The following SDCCAG8 variants were observed in gnomAD, a reference collection of about 807,000 sequenced individuals.
SDCCAG8 encodes the protein serologically defined colon cancer antigen 8.
In SDCCAG8, 74 loss-of-function variants were observed where a neutral mutation model predicts 101.8. That is an observed-to-expected ratio of 0.73 (90% CI 0.60 to 0.88). The LOEUF (loss-of-function observed/expected upper bound fraction) is 0.88. SDCCAG8 is among the 40% of genes least tolerant of loss of function. The pLI is 0.00. For synonymous variants in SDCCAG8, 281 were observed against 292.9 expected, an observed-to-expected ratio of 0.96 and a Z score of 0.41; for missense variants, 787 against 822.6, an observed-to-expected ratio of 0.96 and a Z score of 0.53.
At chr1:243,385,080 C>T (rs1177077782) in intron 13 of SDCCAG8, among the ~76,000 whole-genome samples, 1 of 151,914 alleles carries the variant, frequency 6.6e-6, no homozygotes, top group Non-Finnish European at 1.5e-5. Flanking sequence ...TACAGGCTAG[C>T]GGGGAAGAGA....
At chr1:243,498,079 C>G (rs974794574) in intron 17 of SDCCAG8, among the ~76,000 whole-genome samples, 2 of 152,184 alleles carry the variant, frequency 1.3e-5, no homozygotes, top group African/African-American at 2.4e-5. Context: ...GTGTCAAGAG[C>G]GAGGCCACCA....
rs964350713 is a variant in SDCCAG8, at chr1:243,486,930, G to A, written c.1986-2084G>A. 2.3e-3 allele frequency among the ~76,000 whole-genome samples: 356 copies of A among 152,060 alleles called. 1 individual carries two copies. Among genetic ancestry groups the A allele is most frequent in the African/African-American group, 8.4e-3 (349 of 41,466 alleles). On this transcript the variant is annotated intron_variant, in intron 16 of 17. Transcript: ENST00000366541. ...TTTCGAGCAAGCAGGAAGCCACGGG[G>A]CTACCTCAGTTGCTCTTAGCCAGTA... is the stretch of plus-strand genomic sequence containing the variant.
intron 13 of SDCCAG8, among the ~76,000 whole-genome samples, chr1:243,411,077 T>G (rs2080137369): frequency 6.6e-6 from 1 of 152,186 alleles, no homozygotes; most frequent in East Asian, 1.9e-4. Context: ...GTTCCTATTC[T>G]AGACCATTTG....
intron 7 of SDCCAG8, chr1:243,307,712 G>A: frequency 7.5e-7 from 1 of 1,338,446 alleles, no homozygotes; most frequent in South Asian, 1.7e-5. Flanking sequence ...TGGGACAAGA[G>A]AGCCAGTGTC....
chr1:243,372,221 AT>A (rs1458734823), intron 12 of SDCCAG8, among the ~76,000 whole-genome samples: 1 of 152,104 alleles, frequency 6.6e-6, no homozygotes, highest in Non-Finnish European at 1.5e-5. Flanking sequence ...CATTGTCAAA[AT>A]TTGTCAGCCT....
chr1:243,342,583 A>G (rs2075441729), intron 11 of SDCCAG8, among the ~76,000 whole-genome samples: 1 of 152,206 alleles, frequency 6.6e-6, no homozygotes, highest in Non-Finnish European at 1.5e-5. Context: ...TCATGGTTGT[A>G]TAATTATTAT....
intron 16 of SDCCAG8, among the ~76,000 whole-genome samples, chr1:243,431,506 G>A (rs576824342): frequency 1.8e-4 from 28 of 152,244 alleles, no homozygotes; most frequent in African/African-American, 5.3e-4. Context: ...CAAGCGTTAC[G>A]TTTTGGCCAT....
intron 10 of SDCCAG8, among the ~76,000 whole-genome samples, chr1:243,338,015 G>A (rs950504476): frequency 1.3e-4 from 20 of 152,078 alleles, no homozygotes; most frequent in Non-Finnish European, 1.6e-4. Context: ...CAAACTACTT[G>A]GCTCAAGCAA....
At position 243,392,821 on chromosome 1, in the gene SDCCAG8, A is replaced by G. The variant is rs1340826301; in HGVS notation, c.1616+13958A>G. Among the ~76,000 whole-genome samples, 6 of 152,212 alleles carry G rather than the reference A, an allele frequency of 3.9e-5. No homozygotes were observed. In the East Asian group the frequency reaches 9.6e-4, roughly 24 times the overall value. On this transcript the variant is annotated intron_variant, in intron 13 of 17. Transcript: ENST00000366541. ...GGACTATGTTGCTGTGATTCAGTCA[A>G]CATTTATTCCTATCTGTTTTTCATG...
intron 8 of SDCCAG8, among the ~76,000 whole-genome samples, chr1:243,313,172 G>A (rs1381391016): frequency 6.6e-6 from 1 of 152,182 alleles, no homozygotes; most frequent in African/African-American, 2.4e-5. Flanking sequence ...AAAGACTACA[G>A]CAGGAACTTC....
intron 16 of SDCCAG8, among the ~76,000 whole-genome samples, chr1:243,443,704 C>G (rs1339170364): frequency 6.6e-6 from 1 of 152,092 alleles, no homozygotes; most frequent in African/African-American, 2.4e-5. Flanking sequence ...CAAATCCTGT[C>G]AGAGCCCAAG....
chr1:243,256,528 A>AT (rs1225619684), intron 1 of SDCCAG8, among the ~76,000 whole-genome samples: 3 of 152,332 alleles, frequency 2.0e-5, no homozygotes, highest in Non-Finnish European at 2.9e-5. Context: ...GCTCTATGCC[A>AT]TTTTTGTTCA....
intron 12 of SDCCAG8, among the ~76,000 whole-genome samples, chr1:243,356,328 T>A (rs1345196396): frequency 2.1e-5 from 3 of 144,432 alleles, no homozygotes; most frequent in Non-Finnish European, 4.5e-5. Context: ...GAATTTGACA[T>A]ACCATAGACT....
chr1:243,493,534 C>T (rs572858721), intron 17 of SDCCAG8, among the ~76,000 whole-genome samples: 2 of 152,088 alleles, frequency 1.3e-5, no homozygotes, highest in Admixed American at 1.3e-4. Context: ...TGGTAGCCGT[C>T]GTATCCTGAG....
intron 12 of SDCCAG8, among the ~76,000 whole-genome samples, chr1:243,364,084 C>T (rs1044765754): frequency 6.6e-6 from 1 of 152,114 alleles, no homozygotes; most frequent in African/African-American, 2.4e-5. Context: ...GGTGAGATCA[C>T]GTACACCATG....
At position 243,388,274 on chromosome 1, in the gene SDCCAG8, AC is replaced by A. The variant is rs1279155178; in HGVS notation, c.1616+9412del. Among the ~76,000 whole-genome samples the A allele has an allele frequency of 2.4e-4, 37 of 152,328 alleles. No homozygotes were observed. The South Asian group carries it at 6.2e-3, about 26-fold the overall frequency. Reference sequence around the variant, plus strand: ...AGATTCTTTCATACCATGAAGTAAAACATCTTTCATTCTGAAATTGATGATA... The same window carrying A: ...AGATTCTTTCATACCATGAAGTAAAAATCTTTCATTCTGAAATTGATGATA... On this transcript the variant is annotated intron_variant, in intron 13 of 17. Coordinates refer to ENST00000366541, the MANE Select transcript of SDCCAG8 (RefSeq NM_006642.5).
chr1:243,260,747 T>C (rs574876139), intron 1 of SDCCAG8, among the ~76,000 whole-genome samples: 1 of 152,318 alleles, frequency 6.6e-6, no homozygotes, highest in African/African-American at 2.4e-5. Flanking sequence ...TGAAACAAAC[T>C]TCTTGTATGA....
At chr1:243,463,930 C>G (rs58628634) in intron 16 of SDCCAG8, among the ~76,000 whole-genome samples, 1 of 151,908 alleles carries the variant, frequency 6.6e-6, no homozygotes, top group East Asian at 1.9e-4. Context: ...TCGGTGTTCC[C>G]GTGAGAGCCA....
intron 5 of SDCCAG8, among the ~76,000 whole-genome samples, chr1:243,287,200 G>A (rs1029151874): frequency 1.3e-5 from 2 of 152,112 alleles, no homozygotes; most frequent in African/African-American, 4.8e-5. Flanking sequence ...TAAACTTTTT[G>A]TAACTGTTTT....
Sources: gnomAD v4.1 joint callset for allele counts (sites outside exome capture counted in the v4.1 genomes callset) on GRCh38, gnomAD v4.1.1 for gene constraint, MANE v1.5 for transcripts, NCBI Gene and HGNC (gene_info 2026-07-23, HGNC 2026-07-21) for gene names.